Variants in RDX observed in about 807,000 individuals in gnomAD.
The protein encoded by RDX is deafness, autosomal recessive 24.
In RDX, 32 loss-of-function variants were observed where a neutral mutation model predicts 83.7. That is an observed-to-expected ratio of 0.38 (90% CI 0.29 to 0.51). The LOEUF (loss-of-function observed/expected upper bound fraction) is 0.51. Ranked by LOEUF, RDX falls within the 20% of genes least tolerant of loss-of-function variation. The pLI is 0.87. For missense variants in RDX, 600 were observed against 689.9 expected, an observed-to-expected ratio of 0.87 and a Z score of 1.46; for synonymous variants, 229 against 222.7, an observed-to-expected ratio of 1.03 and a Z score of -0.25.
At chr11:110,196,911 A>G (rs1435459642) in intron 15 of RDX, among the ~76,000 whole-genome samples, 1 of 152,066 alleles carries the variant, frequency 6.6e-6, no homozygotes, top group Non-Finnish European at 1.5e-5. Flanking sequence ...GGCTTATTTT[A>G]TTTTTGAGAC....
chr11:110,193,252 A>C (rs1262647336), intron 15 of RDX, among the ~76,000 whole-genome samples: 2 of 152,232 alleles, frequency 1.3e-5, no homozygotes, highest in African/African-American at 4.8e-5. Context: ...TATCCTAAGC[A>C]AATTAACATA....
Position 110,264,856 on chromosome 11 carries a change from A to G in RDX, c.115T>C (p.Leu39=). 3 of 1,613,882 alleles carry G rather than the reference A, an allele frequency of 1.9e-6. No individual in the cohort carries two copies. The highest frequency in any genetic ancestry group is 2.5e-6 in the Non-Finnish European group (3 of 1,179,926). ...AGCCCAAAAAACCAGACCTCACGCA[A>G]ACCAACTGTTTTCACCACCTAAAAC... ...LFDQVVKTVG[L]REVWFFGLQY... Residue 39 remains leucine (L), a synonymous_variant, in exon 4 of 14, where the codon TTG becomes CTG. Coordinates refer to ENST00000645495, the MANE Select transcript of RDX (RefSeq NM_002906.4).
intron 9 of RDX, among the ~76,000 whole-genome samples, chr11:110,249,086 T>A (rs948699254): frequency 3.3e-5 from 5 of 152,172 alleles, no homozygotes; most frequent in African/African-American, 1.2e-4. Flanking sequence ...TGGGTCAGAA[T>A]CTATGTTAGG....
chr11:110,255,418 G>T, intron 7 of RDX, 33 bp from the exon 8 acceptor site: 2 of 1,110,258 alleles, frequency 1.8e-6, no homozygotes, highest in Non-Finnish European at 2.8e-6. Context: ...TTAATTAAAG[G>T]CAGGAAACAA....
rs141356759 is a variant in RDX at position 110,278,316 on chromosome 11, A to G, written c.12+1365T>C. Among the ~76,000 whole-genome samples the G allele has an allele frequency of 5.5e-3, 844 of 152,212 alleles. 4 individuals carry two copies. The highest frequency in any genetic ancestry group is 0.018 in the African/African-American group (748 of 41,550). Reference sequence around the variant, plus strand: ...TTTTAGAATCAGCTAGTCAATTTTAATCAAAGAAGACTGCCTGGATTCAAC... The same window carrying G: ...TTTTAGAATCAGCTAGTCAATTTTAGTCAAAGAAGACTGCCTGGATTCAAC... On this transcript the variant is annotated intron_variant, in intron 2 of 13. Coordinates refer to ENST00000645495, the MANE Select transcript of RDX (RefSeq NM_002906.4).
intron 14 of RDX, among the ~76,000 whole-genome samples, chr11:110,205,100 G>C (rs1863554417): frequency 6.6e-6 from 1 of 151,950 alleles, no homozygotes; most frequent in Admixed American, 6.6e-5. Context: ...ACAGAACAGA[G>C]GAAGAAATAT....
intron 1 of RDX, among the ~76,000 whole-genome samples, chr11:110,286,291 C>T (rs1401272676): frequency 2.0e-5 from 3 of 152,196 alleles, no homozygotes; most frequent in Non-Finnish European, 2.9e-5. Context: ...ATGCTGCCAG[C>T]CAGCAAACGT....
chr11:110,246,191 C>G (rs1383683259), intron 10 of RDX, among the ~76,000 whole-genome samples: 1 of 152,172 alleles, frequency 6.6e-6, no homozygotes, highest in East Asian at 1.9e-4. Context: ...CCACCGCACC[C>G]AGCCTAGGTT....
chr11:110,221,673 C>A (rs1435357356), intron 14 of RDX, among the ~76,000 whole-genome samples: 2 of 150,538 alleles, frequency 1.3e-5, no homozygotes, highest in African/African-American at 4.9e-5. Context: ...GGCACAAGAA[C>A]AATATCTAAA....
chr11:110,204,916 G>A (rs763508907), intron 14 of RDX, among the ~76,000 whole-genome samples: 1 of 152,138 alleles, frequency 6.6e-6, no homozygotes, highest in Non-Finnish European at 1.5e-5. Context: ...TTATGCAGAA[G>A]AACAAAGAAC....
rs570197235 is a variant in RDX, at chr11:110,264,200, A to G, written c.227T>C (p.Leu76Ser). Residue 76 changes from leucine (L) to serine (S), a missense_variant, in exon 5 of 14, where the codon TTA becomes TCA. Transcript: ENST00000645495. ...TQQDVKKENP[L>S]QFKFRAKFFP... is the part of the protein sequence containing the mutation. ...GAATTTAGCTCTAAACTTGAACTGT[A>G]AAGGATTCTCTTTTTTAACATCCTG... 1 of 1,609,256 alleles carries G rather than the reference A, an allele frequency of 6.2e-7. No homozygotes were observed. The highest frequency in any genetic ancestry group is 1.1e-5 in the South Asian group (1 of 90,172).
At chr11:110,272,670 G>T in intron 2 of RDX, 51 bp from the exon 3 acceptor site, 1 of 1,234,376 alleles carries the variant, frequency 8.1e-7, no homozygotes. Context: ...TATTAGGCGT[G>T]AGAAAACTTT....
intron 1 of RDX, among the ~76,000 whole-genome samples, chr11:110,280,307 C>CA (rs1486004892): frequency 6.6e-6 from 1 of 151,912 alleles, no homozygotes; most frequent in Admixed American, 6.6e-5. Context: ...ACAGTGGTAA[C>CA]ACCACAGCTC....
At chr11:110,271,727 C>T (rs1376105603) in intron 3 of RDX, among the ~76,000 whole-genome samples, 2 of 152,064 alleles carry the variant, frequency 1.3e-5, no homozygotes, top group Middle Eastern at 3.2e-3. Flanking sequence ...TCAGTAGTCC[C>T]AGTTCCTTAA....
At chr11:110,286,025 A>G (rs1021232107) in intron 1 of RDX, among the ~76,000 whole-genome samples, 1 of 150,644 alleles carries the variant, frequency 6.6e-6, no homozygotes, top group African/African-American at 2.4e-5. Context: ...TTCCCTCATA[A>G]AAATATTTAC....
intron 1 of RDX, among the ~76,000 whole-genome samples, chr11:110,295,642 G>GCAAAA (rs1555051124): frequency 8.2e-6 from 1 of 122,256 alleles, no homozygotes; most frequent in Admixed American, 8.3e-5. Context: ...TGTTTAAACT[G>GCAAAA]AAAAAAAAAA....
chr11:110,277,577 C>T (rs905028114), intron 2 of RDX, among the ~76,000 whole-genome samples: 53 of 152,048 alleles, frequency 3.5e-4, no homozygotes, highest in Admixed American at 2.8e-3. Flanking sequence ...GCCTCAGTCT[C>T]CCAAAGTACT....
In RDX at chr11:110,258,304, T is replaced by C. The variant is rs546021437; in HGVS notation, c.468-115A>G. 3.5e-4 allele frequency: 244 copies of C among 688,158 alleles called. 1 individual carries two copies. In the South Asian group the frequency reaches 4.2e-3, roughly 12 times the overall value. The allele number at this position is 688,158 out of a possible 1,614,324, so 42.6% of individuals were successfully genotyped here. On this transcript the variant is annotated intron_variant, in intron 5 of 13. Transcript: ENST00000645495. Reference sequence around the variant, plus strand: ...ACTGTGGTAGTTGTCAGACAATTAATACACATGATGAAATTGCATAGAACT... The same window carrying C: ...ACTGTGGTAGTTGTCAGACAATTAACACACATGATGAAATTGCATAGAACT...
At chr11:110,285,900 T>C (rs911039068) in intron 1 of RDX, among the ~76,000 whole-genome samples, 2 of 151,882 alleles carry the variant, frequency 1.3e-5, no homozygotes, top group African/African-American at 2.4e-5. Context: ...GTCTTTCAAG[T>C]CTTTCTTTTC....
Sources: allele counts gnomAD v4.1 joint callset (sites outside exome capture counted in the v4.1 genomes callset), GRCh38; gene constraint gnomAD v4.1.1; transcripts MANE v1.5; gene names NCBI Gene and HGNC (gene_info 2026-07-23, HGNC 2026-07-21).